Variants in MCUB observed in about 807,000 individuals in gnomAD.
The protein encoded by MCUB is mitochondrial calcium uniporter dominant negative subunit beta, also known as calcium uniporter regulatory subunit MCUb, mitochondrial.
In MCUB, 46 loss-of-function variants were observed where a neutral mutation model predicts 41.4. That is an observed-to-expected ratio of 1.11 (90% CI 0.88 to 1.42). The LOEUF is 1.42. Among genes scored for constraint, MCUB ranks in the 40% most tolerant of loss-of-function variants. MCUB has a pLI of 0.00. For missense variants in MCUB, 403 were observed against 404.9 expected (o/e 1.00, Z 0.04); for synonymous variants, 148 against 148.2 (o/e 1.00, Z 0.01).
At chr4:109,568,071 TG>T (rs201019224) in intron 1 of MCUB, among the ~76,000 whole-genome samples, 4 of 151,948 alleles carry the variant, frequency 2.6e-5, no homozygotes, top group East Asian at 1.9e-4. Flanking sequence ...ACCATAAACC[TG>T]GGGGGGAAAA....
intron 5 of MCUB, 107 bp downstream of exon 5, chr4:109,682,849 C>T (rs1351604613): frequency 2.5e-6 from 2 of 808,168 alleles, no homozygotes; most frequent in Non-Finnish European, 3.8e-6. Flanking sequence ...TAATTTTCTC[C>T]TTTACGCCTC....
chr4:109,624,096 T>C (rs1359536034), intron 1 of MCUB, among the ~76,000 whole-genome samples: 1 of 152,112 alleles, frequency 6.6e-6, no homozygotes, highest in Non-Finnish European at 1.5e-5. Flanking sequence ...GAAGCAGTCC[T>C]CCCACCTCAG....
At chr4:109,587,426 A>ATGCCCTGCCC (rs60122680) in intron 1 of MCUB, among the ~76,000 whole-genome samples, 1 of 152,088 alleles carries the variant, frequency 6.6e-6, no homozygotes, top group South Asian at 2.1e-4. Flanking sequence ...GGGTGAGGCG[A>ATGCCCTGCCC]TGCCCTGCCC....
At position 109,660,829 on chromosome 4, in the gene MCUB, T is replaced by C. The variant is rs1345590719; in HGVS notation, c.346+464T>C. Among the ~76,000 whole-genome samples the C allele has an allele frequency of 4.1e-5, 6 of 147,500 alleles. No homozygotes were observed. In the East Asian group the frequency reaches 7.9e-4, roughly 19 times the overall value. ...GAAACTCCATCCCAAGAAAAGAAAA[T>C]TAAAAAAAAAAAAAATTTAACTTCA... On this transcript the variant is annotated intron_variant, in intron 3 of 7. Transcript: ENST00000394650.
intron 1 of MCUB, among the ~76,000 whole-genome samples, chr4:109,567,740 C>T (rs1309490785): frequency 6.6e-6 from 1 of 151,150 alleles, no homozygotes; most frequent in Non-Finnish European, 1.5e-5. Flanking sequence ...GCTCTGTCAC[C>T]CAGGCTGTAG....
intron 1 of MCUB, among the ~76,000 whole-genome samples, chr4:109,591,230 G>T (rs1434133777): frequency 6.6e-6 from 1 of 150,496 alleles, no homozygotes; most frequent in Non-Finnish European, 1.5e-5. Flanking sequence ...CTGTTGCCCA[G>T]GCTGGAGTGC....
intron 1 of MCUB, among the ~76,000 whole-genome samples, chr4:109,625,319 T>C (rs561995682): frequency 6.6e-6 from 1 of 152,294 alleles, no homozygotes; most frequent in South Asian, 2.1e-4. Flanking sequence ...CATCCAGCAA[T>C]TAATTTTAGT....
intron 1 of MCUB, among the ~76,000 whole-genome samples, chr4:109,608,613 A>G (rs1727932253): frequency 1.3e-5 from 2 of 151,828 alleles, no homozygotes; most frequent in African/African-American, 4.8e-5. Context: ...CAACCTCTTG[A>G]GTAGCTGGGA....
At chr4:109,648,410 A>G in intron 1 of MCUB, 1 of 250,034 alleles carries the variant, frequency 4.0e-6, no homozygotes, top group South Asian at 4.1e-5. Flanking sequence ...CTAGCCAAAT[A>G]TTGTATGTAT....
chr4:109,567,043 G>GTT (rs1726795037), intron 1 of MCUB, among the ~76,000 whole-genome samples: 1 of 146,900 alleles, frequency 6.8e-6, no homozygotes, highest in Non-Finnish European at 1.5e-5. Context: ...AAGAGTAGAT[G>GTT]TCTTTTTTGA....
chr4:109,649,867 T>TCCAGCTAGGACTC lies in MCUB; in HGVS notation c.100-9143_100-9131dup, dbSNP rs1241052900. ...CGGATTACACGCATGAGCCACTGCGTCCAGCTAGGACTCATTATACTTCTT... is the reference window on the plus strand; with the variant it reads ...CGGATTACACGCATGAGCCACTGCGTCCAGCTAGGACTCCCAGCTAGGACTCATTATACTTCTT... On this transcript the variant is annotated intron_variant, in intron 1 of 7. Coordinates refer to ENST00000394650, the MANE Select transcript of MCUB (RefSeq NM_017918.5). Among the ~76,000 whole-genome samples, 24 of 152,238 alleles carry TCCAGCTAGGACTC rather than the reference T, an allele frequency of 1.6e-4. No homozygotes were observed. In the South Asian group the frequency reaches 5.0e-3, roughly 32 times the overall value.
At chr4:109,671,189 G>C (rs1292696769) in intron 4 of MCUB, among the ~76,000 whole-genome samples, 2 of 152,138 alleles carry the variant, frequency 1.3e-5, no homozygotes, top group Non-Finnish European at 2.9e-5. Context: ...TTTTATGTCA[G>C]ACAGGAAACT....
In MCUB at chr4:109,682,731, C is replaced by T; in HGVS notation, c.601C>T (p.Pro201Ser). 1 of 1,612,656 alleles carries T rather than the reference C, an allele frequency of 6.2e-7. No individual in the cohort carries two copies. The highest frequency in any genetic ancestry group is 8.5e-7 in the Non-Finnish European group (1 of 1,179,118). Residue 201 changes from proline to serine, a missense_variant, in exon 5 of 8, where the codon CCC (proline) becomes TCC (serine). Coordinates refer to ENST00000394650, the MANE Select transcript of MCUB (RefSeq NM_017918.5). ...KIDHLKEQLQ[P>S]LEQVKAGIEA... ...TGACCACCTGAAGGAACAGCTGCAG[C>T]CCCTTGAACAGGTTAGGAAGCATCA...
In MCUB at chr4:109,607,179, C is replaced by A. The variant is rs564730402; in HGVS notation, c.99+46743C>A. Among the ~76,000 whole-genome samples, 7 of 151,992 alleles carry A rather than the reference C, an allele frequency of 4.6e-5. No homozygotes were observed. In the East Asian group the frequency reaches 1.4e-3, roughly 29 times the overall value. On this transcript the variant is annotated intron_variant, in intron 1 of 7. Coordinates refer to ENST00000394650, the MANE Select transcript of MCUB (RefSeq NM_017918.5). ...TTATTACTGGTGAGTTTTGTACTTT[C>A]AGGTGATTTCTTATTGCTCATTAAC...
intron 5 of MCUB, 91 bp from the exon 6 acceptor site, chr4:109,684,352 G>A (rs1729787342): frequency 2.9e-6 from 3 of 1,032,546 alleles, no homozygotes; most frequent in South Asian, 1.7e-5. Flanking sequence ...GTGAGCCACC[G>A]CGCCCGGCAA....
chr4:109,581,766 A>C (rs1727181610), intron 1 of MCUB, among the ~76,000 whole-genome samples: 3 of 152,248 alleles, frequency 2.0e-5, no homozygotes, highest in Admixed American at 2.0e-4. Context: ...CAGCCAAAAA[A>C]CACATGAAAA....
intron 1 of MCUB, among the ~76,000 whole-genome samples, chr4:109,585,483 C>T (rs1727285812): frequency 6.6e-6 from 1 of 152,122 alleles, no homozygotes; most frequent in South Asian, 2.1e-4. Context: ...GAATTTGATC[C>T]TGTCATTATG....
chr4:109,609,877 G>A (rs1727966227), intron 1 of MCUB, among the ~76,000 whole-genome samples: 1 of 152,174 alleles, frequency 6.6e-6, no homozygotes, highest in Non-Finnish European at 1.5e-5. Flanking sequence ...GTTCCCCGAG[G>A]GCGAAGCAGG....
chr4:109,608,069 A>G (rs1194224812), intron 1 of MCUB, among the ~76,000 whole-genome samples: 2 of 152,058 alleles, frequency 1.3e-5, no homozygotes, highest in Non-Finnish European at 2.9e-5. Flanking sequence ...GGTGTGCTTC[A>G]TTTTTTAAAA....
Sources: allele counts gnomAD v4.1 joint callset (sites outside exome capture counted in the v4.1 genomes callset), GRCh38; gene constraint gnomAD v4.1.1; transcripts MANE v1.5; gene names NCBI Gene and HGNC (gene_info 2026-07-23, HGNC 2026-07-21).